RANBP2: variants seen among roughly 807,000 people sequenced by gnomAD.
The protein encoded by RANBP2 is RAN binding protein 2, also known as E3 SUMO-protein ligase RanBP2.
RANBP2 carries 57 observed loss-of-function variants against 303.6 expected under a neutral mutation model. The observed-to-expected ratio is 0.19, with a 90% CI of 0.15 to 0.23. The LOEUF is 0.23. Among genes scored for constraint, RANBP2 ranks in the 10% least tolerant of loss-of-function variants. The pLI, the probability that RANBP2 is intolerant of heterozygous loss-of-function variation, is 1.00. For synonymous variants in RANBP2, 1,167 were observed against 1,301.5 expected, an observed-to-expected ratio of 0.90 and a Z score of 2.23; for missense variants, 3,138 against 3,780.8, an observed-to-expected ratio of 0.83 and a Z score of 4.46.
At chr2:109,601,236 C>T in the RANBP2 span, among the ~76,000 whole-genome samples, 17 of 152,186 alleles carry the variant, frequency 1.1e-4, no homozygotes, top group Non-Finnish European at 1.0e-4. Flanking sequence ...TGGTGACCAG[C>T]CCCATCCTTA....
the RANBP2 span, among the ~76,000 whole-genome samples, chr2:109,565,124 T>C: frequency 6.6e-6 from 1 of 152,162 alleles, no homozygotes. Flanking sequence ...CCAATACTCT[T>C]AAGTATAATT....
chr2:109,553,819 A>T, the RANBP2 span, among the ~76,000 whole-genome samples: 2 of 151,858 alleles, frequency 1.3e-5, no homozygotes, highest in Non-Finnish European at 1.5e-5. Flanking sequence ...GCGCCACTGC[A>T]TTCCAGCCTG....
the RANBP2 span, among the ~76,000 whole-genome samples, chr2:109,690,785 G>C: frequency 1.3e-5 from 2 of 152,058 alleles, no homozygotes; most frequent in Non-Finnish European, 2.9e-5. Context: ...GGGTGTGTTG[G>C]GGGGTAGAAT....
At chr2:109,509,694 C>A in the RANBP2 span, among the ~76,000 whole-genome samples, 1 of 152,042 alleles carries the variant, frequency 6.6e-6, no homozygotes, top group African/African-American at 2.4e-5. Flanking sequence ...ATCCTCCACC[C>A]CCTGCACCCT....
At chr2:108,725,184 A>G (rs1477554866) in intron 1 of RANBP2, among the ~76,000 whole-genome samples, 1 of 152,124 alleles carries the variant, frequency 6.6e-6, no homozygotes, top group Admixed American at 6.5e-5. Flanking sequence ...GCTGTCATGT[A>G]AAGAAGTACT....
the RANBP2 span, among the ~76,000 whole-genome samples, chr2:108,902,691 A>G: frequency 2.0e-5 from 3 of 152,254 alleles, no homozygotes; most frequent in Non-Finnish European, 2.9e-5. Flanking sequence ...CACATCAGGT[A>G]TGGCTTATTC....
At chr2:109,052,082 C>T in the RANBP2 span, among the ~76,000 whole-genome samples, 1 of 152,132 alleles carries the variant, frequency 6.6e-6, no homozygotes, top group South Asian at 2.1e-4. Context: ...TTATGCAGCC[C>T]CTTGCAAATA....
At chr2:109,181,963 C>T in the RANBP2 span, among the ~76,000 whole-genome samples, 1 of 152,120 alleles carries the variant, frequency 6.6e-6, no homozygotes, top group Non-Finnish European at 1.5e-5. Context: ...CAACCAAAGG[C>T]CAGTTTGGTG....
chr2:109,470,615 C>G, the RANBP2 span, among the ~76,000 whole-genome samples: 1 of 152,188 alleles, frequency 6.6e-6, no homozygotes, highest in South Asian at 2.1e-4. Flanking sequence ...GCAGTTACAC[C>G]AAGCTCCCTG....
At chr2:109,489,425 A>C in the RANBP2 span, among the ~76,000 whole-genome samples, 13 of 152,244 alleles carry the variant, frequency 8.5e-5, no homozygotes, top group East Asian at 2.5e-3. Flanking sequence ...ACCAGACCCC[A>C]GCGTGGCTTG....
Position 108,782,523 on chromosome 2 carries a change from G to C in RANBP2, c.9035-5G>C. The C allele has an allele frequency of 6.2e-7, 1 of 1,614,008 alleles. No individual in the cohort carries two copies. Among genetic ancestry groups the C allele is most frequent in the Non-Finnish European group, 8.5e-7 (1 of 1,179,932 alleles). Reference sequence around the variant, plus strand: ...GTCACTGCTTCCCCTTTCCCTCCCTGCCAGATGGAGAAGCAAAAGTAGAAC... The same window carrying C: ...GTCACTGCTTCCCCTTTCCCTCCCTCCCAGATGGAGAAGCAAAAGTAGAAC... On this transcript the variant is annotated splice_region_variant and splice_polypyrimidine_tract_variant and intron_variant, in intron 27 of 28. Transcript: ENST00000283195.
the RANBP2 span, among the ~76,000 whole-genome samples, chr2:109,556,653 G>A: frequency 6.6e-6 from 1 of 151,614 alleles, no homozygotes; most frequent in Non-Finnish European, 1.5e-5. Flanking sequence ...TTTTTCTGTT[G>A]TGATCTTTTT....
the RANBP2 span, among the ~76,000 whole-genome samples, chr2:109,637,262 G>T: frequency 0.044 from 6,740 of 152,018 alleles, 358 homozygotes; most frequent in East Asian, 0.23. Flanking sequence ...ACCATAGGGC[G>T]GTTTTTCTCT....
chr2:108,973,208 G>A, the RANBP2 span, among the ~76,000 whole-genome samples: 1 of 152,160 alleles, frequency 6.6e-6, no homozygotes, highest in Non-Finnish European at 1.5e-5. Context: ...GGCTGGTGTT[G>A]AACTCCTGAC....
the RANBP2 span, among the ~76,000 whole-genome samples, chr2:109,054,534 T>C: frequency 6.6e-6 from 1 of 151,856 alleles, no homozygotes; most frequent in South Asian, 2.1e-4. Context: ...GTGAAATCCC[T>C]TCTAAAAATA....
chr2:109,419,043 G>T, the RANBP2 span, among the ~76,000 whole-genome samples: 3 of 152,098 alleles, frequency 2.0e-5, no homozygotes, highest in Non-Finnish European at 4.4e-5. Context: ...TGGGGTCTTG[G>T]GGGGAGGGGG....
chr2:108,829,795 A>G, the RANBP2 span, among the ~76,000 whole-genome samples: 2 of 152,176 alleles, frequency 1.3e-5, no homozygotes, highest in African/African-American at 4.8e-5. Context: ...GTTGGCAAGG[A>G]TGTCAGAAAG....
the RANBP2 span, among the ~76,000 whole-genome samples, chr2:109,391,355 G>A: frequency 6.6e-6 from 1 of 152,230 alleles, no homozygotes; most frequent in Non-Finnish European, 1.5e-5. Context: ...CAAGAGGACA[G>A]GATGGGAAAG....
At chr2:109,395,602 A>C in the RANBP2 span, among the ~76,000 whole-genome samples, 1 of 152,152 alleles carries the variant, frequency 6.6e-6, no homozygotes, top group South Asian at 2.1e-4. Flanking sequence ...GGGGTTGCTA[A>C]GGCATGAGGG....
Sources: allele counts gnomAD v4.1 joint callset (sites outside exome capture counted in the v4.1 genomes callset), GRCh38; gene constraint gnomAD v4.1.1; transcripts MANE v1.5; gene names NCBI Gene and HGNC (gene_info 2026-07-23, HGNC 2026-07-21).